The following FETUB variants were observed in gnomAD, a reference collection of about 807,000 sequenced individuals.
FETUB encodes fetuin B.
In FETUB, 28 loss-of-function variants were observed where a neutral mutation model predicts 30.9. The observed-to-expected ratio is 0.90, with a 90% CI of 0.67 to 1.24. The LOEUF is 1.24. Ranked by LOEUF, FETUB falls within the 50% of genes most tolerant of loss-of-function variation. The probability of loss-of-function intolerance (pLI) is 0.00; values close to 1 mark genes in which losing one functional copy is unlikely to be tolerated. For missense variants in FETUB, 469 were observed against 455.3 expected, an observed-to-expected ratio of 1.03 and a Z score of -0.27; for synonymous variants, 186 against 175.9, an observed-to-expected ratio of 1.06 and a Z score of -0.45.
At chr3:186,639,674 A>G (rs866194512), upstream of FETUB, among the ~76,000 whole-genome samples, 8 of 150,276 alleles carry the variant, frequency 5.3e-5, no homozygotes, top group African/African-American at 2.0e-4. Context: ...AAAAAAAAAA[A>G]GAAGGCAAGA....
chr3:186,649,382 AAT>A (rs1717805670), intron 5 of FETUB, among the ~76,000 whole-genome samples: 1 of 152,148 alleles, frequency 6.6e-6, no homozygotes, highest in African/African-American at 2.4e-5. Context: ...TTCTTACATT[AAT>A]ATATTGCATA....
At chr3:186,651,420 A>T (rs1718028733) in intron 6 of FETUB, 119 bp downstream of exon 6, 1 of 713,792 alleles carries the variant, frequency 1.4e-6, no homozygotes, top group African/African-American at 1.7e-5. Flanking sequence ...CACTTTGCGC[A>T]GGCTAGCCTG....
chr3:186,643,430 C>T (rs1157484370), intron 3 of FETUB, among the ~76,000 whole-genome samples: 1 of 152,138 alleles, frequency 6.6e-6, no homozygotes, highest in Non-Finnish European at 1.5e-5. Flanking sequence ...GCGTGTCGCT[C>T]CCCTGGTGGA....
Position 186,642,470 on chromosome 3 carries a change from G to A in FETUB, c.337-1G>A, listed in dbSNP as rs1352901002. 21 of 1,581,138 alleles carry A rather than the reference G, an allele frequency of 1.3e-5. No homozygotes were observed. The highest frequency in any genetic ancestry group is 1.8e-5 in the Non-Finnish European group (21 of 1,153,308). On this transcript the variant is annotated splice_acceptor_variant, in intron 2 of 6. Transcript: ENST00000265029. LOFTEE classifies it high-confidence loss of function. ...TCATAAAATGCATTTGTTGGTTTCA[G>A]GTTTATGGTCAATGCAAAGCAATAT... is the stretch of plus-strand genomic sequence containing the variant.
intron 1 of FETUB, 112 bp from the exon 2 acceptor site, chr3:186,640,918 A>T (rs890320308): frequency 2.8e-6 from 2 of 718,394 alleles, no homozygotes; most frequent in African/African-American, 3.6e-5. Flanking sequence ...GTTTACGGGG[A>T]ATCTTCACAA....
upstream of FETUB, among the ~76,000 whole-genome samples, chr3:186,639,655 TAA>T (rs5855107): frequency 0.062 from 7,987 of 129,382 alleles, 245 homozygotes; most frequent in African/African-American, 0.095. Flanking sequence ...AAATAGAAGC[TAA>T]AAAAAAAAAA....
chr3:186,643,484 A>T (rs2108522457), intron 3 of FETUB, among the ~76,000 whole-genome samples: 1 of 152,268 alleles, frequency 6.6e-6, no homozygotes, highest in East Asian at 1.9e-4. Flanking sequence ...CTTGGTCAGG[A>T]CCTGAGATCC....
rs1717543623 is a variant in FETUB, at chr3:186,646,347, G to T, written c.694G>T (p.Val232Leu). Residue 232 changes from valine (V) to leucine (L), a missense_variant and splice_region_variant, in exon 5 of 7, where the codon GTG becomes TTG. By Grantham distance (32) the Val-to-Leu change is conservative (BLOSUM62 1). Coordinates refer to ENST00000265029, the MANE Select transcript of FETUB (RefSeq NM_014375.3). Reference protein sequence around the residue: ...SSCSLQSSDSVPVGLCKGSLT... With the variant: ...SSCSLQSSDSLPVGLCKGSLT... The stretch of plus-strand genomic sequence containing the variant: ...CTGTTCACTTCAGTCCTCCGACTCT[G>T]TGGTGAGTTTTCCTGAATGTCTTCA... 1 of 1,608,810 alleles carries T rather than the reference G, an allele frequency of 6.2e-7. No individual in the cohort carries two copies. Among genetic ancestry groups the T allele is most frequent in the African/African-American group, 1.3e-5 (1 of 74,772 alleles).
chr3:186,650,497 A>C (rs755393021), intron 5 of FETUB, among the ~76,000 whole-genome samples: 4 of 152,172 alleles, frequency 2.6e-5, no homozygotes, highest in Non-Finnish European at 5.9e-5. Flanking sequence ...ATCACAGAGG[A>C]ATACTATGTA....
intron 5 of FETUB, among the ~76,000 whole-genome samples, chr3:186,646,712 A>T (rs962963646): frequency 6.6e-6 from 1 of 152,230 alleles, no homozygotes; most frequent in Non-Finnish European, 1.5e-5. Context: ...AGAGGCATCC[A>T]AGAGGGAAAG....
At chr3:186,651,808 A>G (rs1478703155) in intron 6 of FETUB, 1 of 170,698 alleles carries the variant, frequency 5.9e-6, no homozygotes, top group African/African-American at 2.4e-5. Context: ...GCACACACTT[A>G]CCTGTTCGAG....
intron 5 of FETUB, among the ~76,000 whole-genome samples, chr3:186,647,504 AT>A (rs1717649230): frequency 6.6e-6 from 1 of 152,170 alleles, no homozygotes; most frequent in Admixed American, 6.5e-5. Context: ...AACACCTATT[AT>A]GATCTTTCTT....
At chr3:186,638,685 T>C (rs1488495723), upstream of FETUB, among the ~76,000 whole-genome samples, 3 of 152,228 alleles carry the variant, frequency 2.0e-5, no homozygotes, top group Non-Finnish European at 4.4e-5. Context: ...CTGCCTTTTA[T>C]TTTAGTTGCA....
intron 2 of FETUB, 37 bp from the exon 3 acceptor site, chr3:186,642,434 C>T (rs375686601): frequency 8.0e-6 from 9 of 1,124,776 alleles, no homozygotes; most frequent in African/African-American, 3.1e-5. Context: ...CTCATAGTTG[C>T]ATTCGCTATG....
chr3:186,637,689 A>G (rs903235917), upstream of FETUB, among the ~76,000 whole-genome samples: 6 of 152,248 alleles, frequency 3.9e-5, no homozygotes, highest in African/African-American at 1.4e-4. Flanking sequence ...CCACTGGCAG[A>G]GTCACATAAG....
At chr3:186,642,336 T>C (rs1717132027) in intron 2 of FETUB, 135 bp from the exon 3 acceptor site, 2 of 623,896 alleles carry the variant, frequency 3.2e-6, no homozygotes, top group African/African-American at 3.7e-5. Flanking sequence ...CTGCAGTTCC[T>C]CCCAGCCAAA....
intron 6 of FETUB, among the ~76,000 whole-genome samples, 183 bp from the exon 7 acceptor site, chr3:186,652,080 G>A (rs978670133): frequency 3.9e-5 from 6 of 152,116 alleles, no homozygotes; most frequent in Non-Finnish European, 5.9e-5. Flanking sequence ...AGCTTCTACA[G>A]GTCCTGGTTC....
intron 2 of FETUB, chr3:186,642,165 C>T (rs926484479): frequency 2.0e-5 from 6 of 294,996 alleles, no homozygotes; most frequent in South Asian, 4.1e-5. Flanking sequence ...ACAGTGAGAA[C>T]GTGGGAGACC....
upstream of FETUB, among the ~76,000 whole-genome samples, chr3:186,638,612 C>T (rs1369802840): frequency 6.6e-6 from 1 of 152,192 alleles, no homozygotes; most frequent in African/African-American, 2.4e-5. Context: ...TGGGTTGAAA[C>T]CCAGGTGCAT....
Sources: gnomAD v4.1 joint callset for allele counts (sites outside exome capture counted in the v4.1 genomes callset) on GRCh38, gnomAD v4.1.1 for gene constraint, MANE v1.5 for transcripts, NCBI Gene and HGNC (gene_info 2026-07-23, HGNC 2026-07-21) for gene names.